The following ZMYM2 variants were observed in gnomAD, a reference collection of about 807,000 sequenced individuals.
ZMYM2 encodes zinc finger MYM-type protein 2.
Under a neutral mutation model 162.8 loss-of-function variants are expected in ZMYM2, and 56 were observed. The observed-to-expected ratio is 0.34, with a 90% confidence interval of 0.28 to 0.43. The LOEUF (loss-of-function observed/expected upper bound fraction) is 0.43. ZMYM2 is among the 20% of genes least tolerant of loss of function. The probability of loss-of-function intolerance (pLI) is 1.00; values close to 1 mark genes in which losing one functional copy is unlikely to be tolerated. For synonymous variants in ZMYM2, 510 were observed against 541.6 expected, an observed-to-expected ratio of 0.94 and a Z score of 0.81; for missense variants, 1,275 against 1,621.8, an observed-to-expected ratio of 0.79 and a Z score of 3.67.
At chr13:20,037,012 A>G (rs1252502424) in intron 12 of ZMYM2, 103 bp downstream of exon 12, 2 of 1,135,362 alleles carry the variant, frequency 1.8e-6, no homozygotes, top group Admixed American at 6.2e-5. Context: ...AAAAATGTAC[A>G]CACTTAAGGC....
intron 12 of ZMYM2, 93 bp from the exon 13 acceptor site, chr13:20,051,340 C>T (rs182247335): frequency 1.8e-5 from 24 of 1,306,406 alleles, no homozygotes; most frequent in East Asian, 7.7e-5. Flanking sequence ...GTATCAGTCA[C>T]GGTTTTATCA....
the ZMYM2 span, among the ~76,000 whole-genome samples, chr13:19,911,044 C>CTTT: frequency 2.5e-4 from 22 of 89,300 alleles, no homozygotes; most frequent in South Asian, 9.6e-4. Context: ...AGTTCCCAGT[C>CTTT]TTTTTTTTTT....
the ZMYM2 span, among the ~76,000 whole-genome samples, chr13:19,872,340 A>G: frequency 6.6e-6 from 1 of 152,126 alleles, no homozygotes; most frequent in East Asian, 1.9e-4. Flanking sequence ...AGTTGAGGCC[A>G]GGAGTTCAAG....
chr13:19,926,644 G>T, the ZMYM2 span, among the ~76,000 whole-genome samples: 1 of 152,106 alleles, frequency 6.6e-6, no homozygotes, highest in South Asian at 2.1e-4. Flanking sequence ...GATTACAGGC[G>T]TGAGCCACTG....
chr13:19,905,895 C>A, the ZMYM2 span, among the ~76,000 whole-genome samples: 1 of 152,186 alleles, frequency 6.6e-6, no homozygotes, highest in Non-Finnish European at 1.5e-5. Flanking sequence ...AATCCCAGCA[C>A]TTTGGGAGGC....
chr13:20,049,878 C>G (rs1955157538), intron 12 of ZMYM2, among the ~76,000 whole-genome samples: 1 of 151,950 alleles, frequency 6.6e-6, no homozygotes, highest in Non-Finnish European at 1.5e-5. Context: ...ATTAAGCTTC[C>G]ATTTCCTTCC....
chr13:19,947,563 ATTCTCCTGCCTCAGCCT>A, the ZMYM2 span, among the ~76,000 whole-genome samples: 1 of 149,570 alleles, frequency 6.7e-6, no homozygotes, highest in African/African-American at 2.5e-5. Flanking sequence ...GGTTCGAGCG[ATTCTCCTGCCTCAGCCT>A]CGCGGGTAGC....
At chr13:19,864,326 C>G in the ZMYM2 span, 7 of 155,212 alleles carry the variant, frequency 4.5e-5, no homozygotes, top group African/African-American at 1.7e-4. Flanking sequence ...ACGACGTCCT[C>G]CATTTTGTCG....
At chr13:20,085,781 T>C in intron 24 of ZMYM2, 41 bp from the exon 25 acceptor site, 1 of 1,553,380 alleles carries the variant, frequency 6.4e-7, no homozygotes, top group Non-Finnish European at 8.7e-7. Flanking sequence ...GTGGAAATTT[T>C]GTGAAATTGA....
chr13:20,054,301 T>C (rs1416391717), intron 14 of ZMYM2, among the ~76,000 whole-genome samples: 1 of 152,256 alleles, frequency 6.6e-6, no homozygotes, highest in African/African-American at 2.4e-5. Flanking sequence ...TGTAACTGTT[T>C]TGTTCCAGAC....
chr13:20,054,510 G>T (rs1230908150), intron 14 of ZMYM2, among the ~76,000 whole-genome samples: 1 of 152,114 alleles, frequency 6.6e-6, no homozygotes, highest in Non-Finnish European at 1.5e-5. Flanking sequence ...ATAAGATTTG[G>T]TGCTTTTCAT....
the ZMYM2 span, among the ~76,000 whole-genome samples, chr13:19,867,179 C>T: frequency 1.3e-5 from 2 of 151,994 alleles, no homozygotes; most frequent in African/African-American, 4.8e-5. Context: ...ATGGAGAAAC[C>T]CCGTCTCTGC....
chr13:19,954,295 AT>A (rs1268735382), upstream of ZMYM2, among the ~76,000 whole-genome samples: 2 of 150,870 alleles, frequency 1.3e-5, no homozygotes, highest in Non-Finnish European at 3.0e-5. Context: ...TGCCTGGCTA[AT>A]TTTTTGTATT....
At chr13:19,897,825 T>C in the ZMYM2 span, among the ~76,000 whole-genome samples, 1 of 152,156 alleles carries the variant, frequency 6.6e-6, no homozygotes, top group East Asian at 1.9e-4. Context: ...TAAATATATA[T>C]GCATCGAACA....
At chr13:19,950,551 A>C in the ZMYM2 span, among the ~76,000 whole-genome samples, 1 of 152,322 alleles carries the variant, frequency 6.6e-6, no homozygotes, top group East Asian at 1.9e-4. Flanking sequence ...AGCTCTAACC[A>C]ATCAGGATGT....
At chr13:19,945,411 C>G in the ZMYM2 span, among the ~76,000 whole-genome samples, 1 of 152,000 alleles carries the variant, frequency 6.6e-6, no homozygotes, top group Non-Finnish European at 1.5e-5. Flanking sequence ...ATTAACACTC[C>G]TGGCTAATTT....
the ZMYM2 span, among the ~76,000 whole-genome samples, chr13:19,884,582 A>G: frequency 6.6e-6 from 1 of 152,122 alleles, no homozygotes; most frequent in African/African-American, 2.4e-5. Flanking sequence ...TCAAAAAGAA[A>G]AAAAAAGCCG....
chr13:19,885,856 A>T, the ZMYM2 span, among the ~76,000 whole-genome samples: 65 of 46,872 alleles, frequency 1.4e-3, 4 homozygotes, highest in East Asian at 8.9e-3. Context: ...TCAAAAAAAA[A>T]AAAAAAATAT....
chr13:19,996,905 G>C lies in ZMYM2; in HGVS notation c.847+2986G>C, dbSNP rs565604127. 5.3e-5 allele frequency among the ~76,000 whole-genome samples: 8 copies of C among 152,278 alleles called. 1 individual carries two copies. In the South Asian group the frequency reaches 1.7e-3, roughly 32 times the overall value. ...TTGTCTAAAACAAATAAAGAAAGCT[G>C]AGCATGAAGGTGTGGGGTGTGGAGC... On this transcript the variant is annotated intron_variant, in intron 3 of 24. Coordinates refer to ENST00000610343, the MANE Select transcript of ZMYM2 (RefSeq NM_197968.4).
Sources: allele counts gnomAD v4.1 joint callset (sites outside exome capture counted in the v4.1 genomes callset), GRCh38; gene constraint gnomAD v4.1.1; transcripts MANE v1.5; gene names NCBI Gene and HGNC (gene_info 2026-07-23, HGNC 2026-07-21).